SLC17A9: variants seen among roughly 807,000 people sequenced by gnomAD.
The protein encoded by SLC17A9 is solute carrier family 17 member 9.
In SLC17A9, 49 loss-of-function variants were observed where a neutral mutation model predicts 55.0. That is an observed-to-expected ratio of 0.89 (90% CI 0.71 to 1.13). SLC17A9 has a LOEUF of 1.13. SLC17A9 is among the 50% of genes most tolerant of loss of function. SLC17A9 has a pLI of 0.00. For missense variants in SLC17A9, 526 were observed against 569.3 expected (o/e 0.92, Z 0.77); for synonymous variants, 256 against 247.4 (o/e 1.03, Z -0.32).
intron 1 of SLC17A9, among the ~76,000 whole-genome samples, chr20:62,955,285 T>C (rs969708581): frequency 6.6e-6 from 1 of 151,732 alleles, no homozygotes; most frequent in African/African-American, 2.4e-5. Context: ...GTAGCTGGGA[T>C]TACAGGCACC....
At position 62,960,569 on chromosome 20, in the gene SLC17A9, A is replaced by G; in HGVS notation, c.463A>G (p.Thr155Ala). Residue 155 changes from threonine (T) to alanine (A), a missense_variant, in exon 4 of 13, where the codon ACC (threonine) becomes GCC (alanine). Transcript: ENST00000370351. ...GGTGCGGGAGAGTGAGCGAGCCTTC[A>G]CCTACAGCATCGTGGGCGCCGGCTC... ...QKVRESERAF[T>A]YSIVGAGSQF... The G allele has an allele frequency of 6.2e-7, 1 of 1,613,518 alleles. No homozygotes were observed. The highest frequency in any genetic ancestry group is 8.5e-7 in the Non-Finnish European group (1 of 1,179,990).
At chr20:62,961,514 CCG>C (rs1297957340) in intron 4 of SLC17A9, among the ~76,000 whole-genome samples, 1 of 152,156 alleles carries the variant, frequency 6.6e-6, no homozygotes, top group Admixed American at 6.5e-5. Context: ...GGAGGCCTTC[CCG>C]GTGGTTGTAG....
In SLC17A9 at chr20:62,969,194, T is replaced by C. The variant is rs1023214974; in HGVS notation, c.*1694T>C. On this transcript the variant is annotated 3_prime_UTR_variant, in exon 13 of 13. Coordinates refer to ENST00000370351, the MANE Select transcript of SLC17A9 (RefSeq NM_022082.4). ...TGTGCGTTGTGAATGAATTGCTGTC[T>C]CTCTCCTCCTCATCTTGCACTAAAT... is the stretch of plus-strand genomic sequence containing the variant. The C allele has an allele frequency of 1.3e-5, 2 of 152,242 alleles. No individual in the cohort carries two copies. Among genetic ancestry groups the C allele is most frequent in the Non-Finnish European group, 2.9e-5 (2 of 68,046 alleles). The allele number at this position is 152,242 out of a possible 1,614,324, so 9.4% of individuals were successfully genotyped here.
chr20:62,964,185 A>C (rs2427464), intron 7 of SLC17A9, 43 bp from the exon 8 acceptor site: 1 of 1,602,914 alleles, frequency 6.2e-7, no homozygotes, highest in Non-Finnish European at 8.5e-7. Context: ...AGATGGCCAG[A>C]TGCCGGCCCT....
rs1264605792 is a variant in SLC17A9, at chr20:62,963,609, G to A, written c.751G>A (p.Ala251Thr). The change falls in exon 7 of 13, where the codon GCA becomes ACA. Residue 251 changes from alanine (A) to threonine (T), a missense_variant. Transcript: ENST00000370351. ...VWAAVVSQLS[A>T]ACSFFILLSW... ...GGCAGCCGTCGTCTCCCAGCTCTCTGCAGCCTGCTCCTTCTTCATCCTCCT... is the reference window on the plus strand; with the variant it reads ...GGCAGCCGTCGTCTCCCAGCTCTCTACAGCCTGCTCCTTCTTCATCCTCCT... The A allele has an allele frequency of 3.1e-6, 5 of 1,600,898 alleles. No homozygotes were observed. The highest frequency in any genetic ancestry group is 4.3e-6 in the Non-Finnish European group (5 of 1,173,764).
intron 3 of SLC17A9, among the ~76,000 whole-genome samples, chr20:62,959,479 C>T (rs1328613096): frequency 6.6e-6 from 1 of 152,244 alleles, no homozygotes; most frequent in Non-Finnish European, 1.5e-5. Context: ...TGCGTGGTAA[C>T]GGTGGGCACC....
chr20:62,964,263 G>A lies in SLC17A9; in HGVS notation c.858G>A (p.Ala286=), dbSNP rs113389395. 3.7e-4 allele frequency: 598 copies of A among 1,614,208 alleles called. No individual in the cohort carries two copies. In the African/African-American group the frequency reaches 6.1e-3, roughly 17 times the overall value. Residue 286 remains alanine, a synonymous_variant, in exon 8 of 13, where the codon GCG becomes GCA. Coordinates refer to ENST00000370351, the MANE Select transcript of SLC17A9 (RefSeq NM_022082.4). ...WIFNVVPWLV[A]IPASLFSGFL... ...TCAACGTGGTTCCTTGGTTGGTGGC[G>A]ATTCCGGCCAGTCTATTCAGCGGGT...
intron 5 of SLC17A9, 101 bp from the exon 6 acceptor site, chr20:62,963,172 C>T: frequency 1.6e-6 from 2 of 1,251,658 alleles, no homozygotes; most frequent in Non-Finnish European, 2.3e-6. Context: ...TGGACGAGGC[C>T]TGCTGACCCC....
chr20:62,966,906 T>C, intron 12 of SLC17A9, 174 bp downstream of exon 12: 1 of 760,978 alleles, frequency 1.3e-6, no homozygotes, highest in East Asian at 2.8e-5. Flanking sequence ...CAGGTTCCAC[T>C]GGACTTTGCT....
Position 62,962,906 on chromosome 20 carries a change from G to A in SLC17A9, c.628+152G>A. 1 of 1,158,020 alleles carries A rather than the reference G, an allele frequency of 8.6e-7. No homozygotes were observed. Among genetic ancestry groups the A allele is most frequent in the African/African-American group, 1.5e-5 (1 of 64,776 alleles). 71.7% of individuals were successfully genotyped at this position (1,158,020 alleles called of 1,614,324 possible). On this transcript the variant is annotated intron_variant, in intron 5 of 12. Transcript: ENST00000370351. This position sits in a 1 kb window ranked among gnomAD's most constrained non-coding sequence, Gnocchi z 5.5. Reference sequence around the variant, plus strand: ...CGCCAGTGAGGAAAAGCGCTCGGGTGCTGAGCTGTCAGCGGCTCCGCCACC... The same window carrying A: ...CGCCAGTGAGGAAAAGCGCTCGGGTACTGAGCTGTCAGCGGCTCCGCCACC...
intron 3 of SLC17A9, among the ~76,000 whole-genome samples, chr20:62,959,912 G>A (rs1039354498): frequency 2.0e-5 from 3 of 152,252 alleles, no homozygotes; most frequent in African/African-American, 7.2e-5. Flanking sequence ...GAGCTGCATG[G>A]GGTGGTAAGG....
In SLC17A9 at chr20:62,964,233, G is replaced by T. The variant is rs1276902923; in HGVS notation, c.828G>T (p.Trp276Cys). The T allele has an allele frequency of 6.2e-7, 1 of 1,614,190 alleles. No homozygotes were observed. The highest frequency in any genetic ancestry group is 8.5e-7 in the Non-Finnish European group (1 of 1,180,004). The change falls in exon 8 of 13, where the codon TGG (tryptophan) becomes TGT (cysteine). Residue 276 changes from tryptophan to cysteine, a missense_variant. Trp to Cys is a radical substitution (Grantham distance 215). Coordinates refer to ENST00000370351, the MANE Select transcript of SLC17A9 (RefSeq NM_022082.4). ...FEETFPDAKG[W>C]IFNVVPWLVA... Reference sequence around the variant, plus strand: ...GGCCAAACTCCCCCCTGCAGGGCTGGATCTTCAACGTGGTTCCTTGGTTGG... The same window carrying T: ...GGCCAAACTCCCCCCTGCAGGGCTGTATCTTCAACGTGGTTCCTTGGTTGG...
rs1397596793 is a variant in SLC17A9 at position 62,966,518 on chromosome 20, C to A, written c.1062-7C>A. ...GGGCCACTCACCACCCTCTTTCCTC[C>A]CCACAGTGGCATTTCTGTTAACATC... On this transcript the variant is annotated splice_region_variant and splice_polypyrimidine_tract_variant and intron_variant, in intron 10 of 12. Transcript: ENST00000370351. 2 of 1,613,920 alleles carry A rather than the reference C, an allele frequency of 1.2e-6. No individual in the cohort carries two copies. Among genetic ancestry groups the A allele is most frequent in the East Asian group, 4.5e-5 (2 of 44,870 alleles).
Position 62,963,650 on chromosome 20 carries a change from C to A in SLC17A9, c.792C>A (p.Thr264=), listed in dbSNP as rs767644979. ...SFFILLSWLP[T]FFEETFPDAK... is the part of the protein sequence containing the mutation. ...TCATCCTCCTCTCCTGGCTGCCCAC[C>A]TTCTTCGAGGAGACCTTCCCCGACG... The change falls in exon 7 of 13, where the codon ACC becomes ACA. Residue 264 remains threonine (T), a synonymous_variant. Coordinates refer to ENST00000370351, the MANE Select transcript of SLC17A9 (RefSeq NM_022082.4). 19 of 1,602,410 alleles carry A rather than the reference C, an allele frequency of 1.2e-5. No individual in the cohort carries two copies. In the East Asian group the frequency reaches 3.8e-4, roughly 32 times the overall value.
intron 3 of SLC17A9, among the ~76,000 whole-genome samples, chr20:62,959,771 A>G (rs1300422489): frequency 6.6e-6 from 1 of 152,232 alleles, no homozygotes; most frequent in Non-Finnish European, 1.5e-5. Flanking sequence ...GCCCCCCTGC[A>G]GGGTAGCATC....
rs776078093 is a variant in SLC17A9, at chr20:62,960,638, CCA to C, written c.497+37_497+38del. ...GGCCTAAGACGGGGCCCAGGAGAGG[CCA>C]CCAGGTGAGCCCCTTGCCGAGTGGC... is the stretch of plus-strand genomic sequence containing the variant. On this transcript the variant is annotated intron_variant, in intron 4 of 12. Transcript: ENST00000370351. 3.8e-6 allele frequency: 6 copies of C among 1,580,932 alleles called. No homozygotes were observed. In the African/African-American group the frequency reaches 6.7e-5, roughly 18 times the overall value.
Position 62,956,901 on chromosome 20 carries a change from C to T in SLC17A9, c.196C>T (p.Leu66Phe). ...GWNKKEAGIVLSSFFWGYCLT... is the reference protein window; with the variant it reads ...GWNKKEAGIVFSSFFWGYCLT... ...GAACAAGAAGGAGGCCGGCATCGTG[C>T]TCAGCAGCTTCTTCTGGGGCTACTG... Residue 66 changes from leucine to phenylalanine, a missense_variant, in exon 2 of 13, where the codon CTC (leucine) becomes TTC (phenylalanine). Coordinates refer to ENST00000370351, the MANE Select transcript of SLC17A9 (RefSeq NM_022082.4). 2 of 1,613,700 alleles carry T rather than the reference C, an allele frequency of 1.2e-6. No homozygotes were observed. The highest frequency in any genetic ancestry group is 8.5e-7 in the Non-Finnish European group (1 of 1,180,024).
At chr20:62,961,793 C>A (rs570713254) in intron 4 of SLC17A9, among the ~76,000 whole-genome samples, 1 of 152,212 alleles carries the variant, frequency 6.6e-6, no homozygotes, top group African/African-American at 2.4e-5. Flanking sequence ...GAGTGTCTTG[C>A]GGTTTTTCTG....
At chr20:62,963,735 G>A in intron 7 of SLC17A9, 55 bp downstream of exon 7, 1 of 1,480,250 alleles carries the variant, frequency 6.8e-7, no homozygotes, top group East Asian at 2.5e-5. Context: ...CGAGGCTTGA[G>A]CTGCACCAGG....
Sources: gnomAD v4.1 joint callset for allele counts (sites outside exome capture counted in the v4.1 genomes callset) on GRCh38, gnomAD v4.1.1 for gene constraint, Gnocchi (gnomAD v3.1) non-coding constraint, MANE v1.5 for transcripts, NCBI Gene and HGNC (gene_info 2026-07-23, HGNC 2026-07-21) for gene names.